The following PEAK1 variants were observed in gnomAD, a reference collection of about 807,000 sequenced individuals.
The protein encoded by PEAK1 is pseudopodium enriched atypical kinase 1.
A neutral mutation model predicts 124.7 loss-of-function variants in PEAK1; 54 were observed. The observed-to-expected ratio is 0.43, with a 90% CI of 0.35 to 0.54. PEAK1 has a LOEUF of 0.54. PEAK1 is among the 20% of genes least tolerant of loss of function. The pLI is 0.01. For synonymous variants in PEAK1, 719 were observed against 760.0 expected (o/e 0.95, Z 0.89); for missense variants, 2,046 against 2,134.5 (o/e 0.96, Z 0.82).
At chr15:77,221,056 TTTA>T (rs1314952258) in intron 6 of PEAK1, among the ~76,000 whole-genome samples, 1 of 152,156 alleles carries the variant, frequency 6.6e-6, no homozygotes, top group Non-Finnish European at 1.5e-5. Context: ...TCATTTAATA[TTTA>T]TTGTTTTCAT....
At chr15:77,277,261 C>T (rs1409507969) in intron 5 of PEAK1, among the ~76,000 whole-genome samples, 1 of 152,048 alleles carries the variant, frequency 6.6e-6, no homozygotes, top group Non-Finnish European at 1.5e-5. Flanking sequence ...ATATAACATT[C>T]TCAAAATGAC....
Position 77,165,731 on chromosome 15 carries a change from T to G in PEAK1, c.3138-7035A>C, listed in dbSNP as rs112497436. On this transcript the variant is annotated intron_variant, in intron 7 of 9. Coordinates refer to ENST00000682557, the MANE Select transcript of PEAK1 (RefSeq NM_001385026.1). ...CCTATAGGTACTCAGAACACCCAGC[T>G]ACTCAGCACTGCACAAGCTGTGCAT... 3.3e-3 allele frequency among the ~76,000 whole-genome samples: 500 copies of G among 152,332 alleles called. 5 individuals are homozygous for G. The highest frequency in any genetic ancestry group is 0.012 in the African/African-American group (482 of 41,566).
intron 6 of PEAK1, among the ~76,000 whole-genome samples, chr15:77,216,463 A>G (rs1412928296): frequency 6.6e-6 from 1 of 152,252 alleles, no homozygotes; most frequent in Non-Finnish European, 1.5e-5. Flanking sequence ...TGAAGCAAGA[A>G]CAAACATCAA....
In PEAK1 at chr15:77,226,053, ATATATATATATAT is replaced by A. The variant is rs1423922792; in HGVS notation, c.-115+26301_-115+26313del. Among the ~76,000 whole-genome samples, 47 of 84,910 alleles carry A rather than the reference ATATATATATATAT, an allele frequency of 5.5e-4. 1 individual carries two copies. Among genetic ancestry groups the A allele is most frequent in the Middle Eastern group, 6.0e-3 (1 of 166 alleles). 55.7% of individuals were successfully genotyped at this position (84,910 alleles called of 152,430 possible). ...CAACTGAAAATAAAGGGATATATATATATATATATATATATATATATATATATATATATATTAC... is the reference window on the plus strand; with the variant it reads ...CAACTGAAAATAAAGGGATATATATAATATATATATATATATATATATTAC... On this transcript the variant is annotated intron_variant, in intron 6 of 9. Transcript: ENST00000682557.
rs552009184 is a variant in PEAK1 at position 77,323,504 on chromosome 15, G to A, written c.-602-37000C>T. Reference sequence around the variant, plus strand: ...TACACCAATAACAGACAAACGGAGAGCCAAATCATGAGTGAACTCCCATTC... The same window carrying A: ...TACACCAATAACAGACAAACGGAGAACCAAATCATGAGTGAACTCCCATTC... On this transcript the variant is annotated intron_variant, in intron 2 of 9. Coordinates refer to ENST00000682557, the MANE Select transcript of PEAK1 (RefSeq NM_001385026.1). 5.2e-3 allele frequency among the ~76,000 whole-genome samples: 790 copies of A among 152,226 alleles called. 9 individuals carry two copies. The highest frequency in any genetic ancestry group is 0.018 in the African/African-American group (762 of 41,528).
chr15:77,308,505 T>G (rs2064236528), intron 2 of PEAK1, among the ~76,000 whole-genome samples: 1 of 152,074 alleles, frequency 6.6e-6, no homozygotes, highest in Non-Finnish European at 1.5e-5. Context: ...GTTAATAAAT[T>G]TCAGTTATGT....
intron 5 of PEAK1, among the ~76,000 whole-genome samples, chr15:77,272,194 T>A (rs112986583): frequency 2.3e-4 from 35 of 152,090 alleles, no homozygotes; most frequent in African/African-American, 7.2e-4. Context: ...AGGTCACACC[T>A]CAAGGAGCTA....
intron 1 of PEAK1, among the ~76,000 whole-genome samples, chr15:77,415,988 A>G (rs2072854039): frequency 6.6e-6 from 1 of 152,098 alleles, no homozygotes; most frequent in Admixed American, 6.5e-5. Flanking sequence ...TACCCCTCTC[A>G]ATTAGCTACA....
intron 2 of PEAK1, chr15:77,337,375 A>C: frequency 1.1e-6 from 1 of 947,904 alleles, no homozygotes; most frequent in Non-Finnish European, 1.3e-6. Flanking sequence ...AAAATCAAGA[A>C]ATAATCATTG....
At chr15:77,304,877 C>A (rs944411503) in intron 2 of PEAK1, among the ~76,000 whole-genome samples, 7 of 152,086 alleles carry the variant, frequency 4.6e-5, no homozygotes, top group Non-Finnish European at 1.0e-4. Flanking sequence ...CCTACTTGGA[C>A]TTGAGGTTTC....
chr15:77,182,749 C>CAAAAAAAAAAAAAAAAA (rs71143395), intron 6 of PEAK1, among the ~76,000 whole-genome samples: 13 of 65,140 alleles, frequency 2.0e-4, no homozygotes, highest in African/African-American at 7.4e-4. Context: ...GACCTTGTCT[C>CAAAAAAAAAAAAAAAAA]AAAAAAAAAA....
chr15:77,254,189 G>C (rs2061016643), intron 5 of PEAK1, among the ~76,000 whole-genome samples: 1 of 151,834 alleles, frequency 6.6e-6, no homozygotes. Flanking sequence ...ATTCTACTTG[G>C]AGTTTACTGA....
intron 1 of PEAK1, among the ~76,000 whole-genome samples, chr15:77,376,535 A>G (rs1332568263): frequency 6.6e-6 from 1 of 152,110 alleles, no homozygotes. Context: ...CCAAAATAAT[A>G]TCCTTCCTTG....
At chr15:77,142,506 C>T (rs1412222221) in intron 8 of PEAK1, among the ~76,000 whole-genome samples, 1 of 152,154 alleles carries the variant, frequency 6.6e-6, no homozygotes, top group African/African-American at 2.4e-5. Flanking sequence ...ACTTTATATG[C>T]AAATGTTCAT....
chr15:77,115,221 A>T lies in PEAK1; in HGVS notation c.4176T>A (p.Gly1392=). ...AVHFNIQQDC[G]HFLAEVPNRL... is the part of the protein sequence containing the mutation. Reference sequence around the variant, plus strand: ...GGTTAGGGACTTCAGCAAGGAAATGACCACAGTCCTGCTGAATGTTAAAAT... The same window carrying T: ...GGTTAGGGACTTCAGCAAGGAAATGTCCACAGTCCTGCTGAATGTTAAAAT... The change falls in exon 10 of 10, where the codon GGT becomes GGA. Residue 1392 remains glycine (G), a synonymous_variant. Transcript: ENST00000682557. 6.2e-7 allele frequency: 1 copy of T among 1,614,186 alleles called. No homozygotes were observed. The highest frequency in any genetic ancestry group is 1.1e-5 in the South Asian group (1 of 91,088).
rs544679714 is a variant in PEAK1, at chr15:77,225,357, G to T, written c.-115+27010C>A. On this transcript the variant is annotated intron_variant, in intron 6 of 9. Transcript: ENST00000682557. ...TATTCTGAGACAGTACATTTCATTTGTATGTTCACACAAAACCTATATATA... is the reference window on the plus strand; with the variant it reads ...TATTCTGAGACAGTACATTTCATTTTTATGTTCACACAAAACCTATATATA... 2.2e-4 allele frequency among the ~76,000 whole-genome samples: 33 copies of T among 151,940 alleles called. 2 individuals are homozygous for T. In the South Asian group the frequency reaches 6.9e-3, roughly 32 times the overall value.
intron 1 of PEAK1, among the ~76,000 whole-genome samples, chr15:77,416,461 C>T (rs2072891911): frequency 6.6e-6 from 1 of 152,218 alleles, no homozygotes; most frequent in East Asian, 1.9e-4. Flanking sequence ...CTGGTCCTTG[C>T]TTCCAGTTTT....
At chr15:77,347,889 C>T (rs1415878082) in intron 2 of PEAK1, 4 of 983,236 alleles carry the variant, frequency 4.1e-6, no homozygotes, top group East Asian at 1.1e-4. Flanking sequence ...AATATACCTA[C>T]TAAAAAAAAA....
At chr15:77,187,979 C>T (rs1048241684) in intron 6 of PEAK1, among the ~76,000 whole-genome samples, 1 of 152,150 alleles carries the variant, frequency 6.6e-6, no homozygotes, top group African/African-American at 2.4e-5. Context: ...GCTGACCTGA[C>T]ACCTCAACCA....
Sources: allele counts gnomAD v4.1 joint callset (sites outside exome capture counted in the v4.1 genomes callset), GRCh38; gene constraint gnomAD v4.1.1; transcripts MANE v1.5; gene names NCBI Gene and HGNC (gene_info 2026-07-23, HGNC 2026-07-21).